UNC79: variants seen among roughly 807,000 people sequenced by gnomAD.
UNC79 encodes unc-79 subunit of NALCN channel complex, also known as protein unc-79 homolog.
Under a neutral mutation model 283.1 loss-of-function variants are expected in UNC79, and 37 were observed. The ratio of observed to expected loss-of-function variants is 0.13; its 90% CI spans 0.10 to 0.17. UNC79 has a LOEUF of 0.17. UNC79 is among the 10% of genes least tolerant of loss of function. The pLI is 1.00. For synonymous variants in UNC79, 1,107 were observed against 1,200.2 expected (o/e 0.92, Z 1.61); for missense variants, 2,272 against 3,211.1 (o/e 0.71, Z 7.07).
intron 5 of UNC79, among the ~76,000 whole-genome samples, chr14:93,495,490 G>A (rs1024008573): frequency 6.6e-6 from 1 of 152,078 alleles, no homozygotes; most frequent in Non-Finnish European, 1.5e-5. Context: ...ATTTGGGTGG[G>A]GACACAGCTT....
At chr14:93,706,534 C>T (rs117176149) in intron 48 of UNC79, among the ~76,000 whole-genome samples, 170 bp from the exon 52 acceptor site, 34 of 152,254 alleles carry the variant, frequency 2.2e-4, no homozygotes, top group African/African-American at 7.5e-4. Flanking sequence ...CTAGAAAACA[C>T]GGTGCGATCC....
At chr14:93,615,743 A>AAAAAGAAAAG (rs2066669911) in intron 27 of UNC79, among the ~76,000 whole-genome samples, 1 of 143,330 alleles carries the variant, frequency 7.0e-6, no homozygotes, top group African/African-American at 2.8e-5. Context: ...AAAAAAAAAA[A>AAAAAGAAAAG]AAGAAAAGAA....
At chr14:93,376,462 C>T (rs1956544) in intron 1 of UNC79, among the ~76,000 whole-genome samples, 107,488 of 152,078 alleles carry the variant, frequency 0.71, 38,446 homozygotes, top group Middle Eastern at 0.78. Flanking sequence ...AGGGGCAAAC[C>T]GTATATTTAT....
chr14:93,396,264 A>T (rs2054994585), intron 1 of UNC79, among the ~76,000 whole-genome samples: 4 of 151,882 alleles, frequency 2.6e-5, no homozygotes, highest in Admixed American at 2.6e-4. Flanking sequence ...ATCTCTTTAA[A>T]ATGTCTATTT....
chr14:93,424,680 T>C (rs148281012), intron 1 of UNC79, among the ~76,000 whole-genome samples: 141 of 150,990 alleles, frequency 9.3e-4, no homozygotes, highest in African/African-American at 3.3e-3. Flanking sequence ...CTCATAGAGA[T>C]AGAGAGTAGA....
intron 37 of UNC79, 96 bp from the exon 41 acceptor site, chr14:93,655,138 C>T: frequency 7.2e-7 from 1 of 1,396,174 alleles, no homozygotes; most frequent in Admixed American, 2.0e-5. Context: ...ACGTTTATAG[C>T]CTGAAGATGT....
rs547276996 is a variant in UNC79 at position 93,386,243 on chromosome 14, C to A, written c.-351+52720C>A. Among the ~76,000 whole-genome samples, 9 of 152,134 alleles carry A rather than the reference C, an allele frequency of 5.9e-5. No individual in the cohort carries two copies. In the East Asian group the frequency reaches 9.7e-4, roughly 16 times the overall value. ...ATTGAAATGATCATATTGTTTTTGTCCTTCATTCTGTTCATATGATGTATC... is the reference window on the plus strand; with the variant it reads ...ATTGAAATGATCATATTGTTTTTGTACTTCATTCTGTTCATATGATGTATC... On this transcript the variant is annotated intron_variant, in intron 1 of 49. Coordinates refer to the UNC79 transcript ENST00000256339.
At chr14:93,339,997 T>C (rs910396599) in intron 1 of UNC79, among the ~76,000 whole-genome samples, 1 of 152,166 alleles carries the variant, frequency 6.6e-6, no homozygotes, top group African/African-American at 2.4e-5. Context: ...GCTTTCGTGA[T>C]TGAATAAGCA....
At chr14:93,488,811 G>A (rs1595612986) in intron 5 of UNC79, among the ~76,000 whole-genome samples, 1 of 152,238 alleles carries the variant, frequency 6.6e-6, no homozygotes, top group East Asian at 1.9e-4. Flanking sequence ...GGAAGGAAAG[G>A]GAATTCTCAG....
intron 7 of UNC79, among the ~76,000 whole-genome samples, chr14:93,513,932 T>C (rs1033242007): frequency 4.6e-5 from 7 of 152,156 alleles, no homozygotes; most frequent in African/African-American, 1.7e-4. Flanking sequence ...ATTTGTGTTA[T>C]GTAGTAAAAG....
At chr14:93,575,354 T>C (rs1023932005) in intron 17 of UNC79, among the ~76,000 whole-genome samples, 156 bp downstream of exon 17, 3 of 152,242 alleles carry the variant, frequency 2.0e-5, no homozygotes, top group Non-Finnish European at 2.9e-5. Context: ...ATAGTCACAT[T>C]TGTTTGGTAT....
At chr14:93,588,740 C>CAAAAAAA (rs397745981) in intron 22 of UNC79, among the ~76,000 whole-genome samples, 7 of 17,782 alleles carry the variant, frequency 3.9e-4, no homozygotes, top group Non-Finnish European at 1.1e-3. Flanking sequence ...GACTCCGTCT[C>CAAAAAAA]AAAAAAAAAA....
At chr14:93,487,600 G>T in intron 4 of UNC79, 63 bp from the exon 5 acceptor site, 2 of 1,379,440 alleles carry the variant, frequency 1.4e-6, no homozygotes, top group Non-Finnish European at 2.0e-6. Context: ...CTCATGCTCT[G>T]TGCAAAGTAA....
Position 93,531,802 on chromosome 14 carries a change from A to T in UNC79, c.1094-748A>T, listed in dbSNP as rs892445955. Among the ~76,000 whole-genome samples the T allele has an allele frequency of 5.3e-5, 8 of 152,228 alleles. No homozygotes were observed. Among genetic ancestry groups the T allele is most frequent in the Admixed American group, 2.6e-4 (4 of 15,288 alleles). On this transcript the variant is annotated intron_variant, in intron 10 of 48. Transcript: ENST00000555664. This position sits in a 1 kb window ranked among gnomAD's most constrained non-coding sequence, Gnocchi z 4.2. ...TGGGGAATTTGGAGACTTGAACTCAAGGTCTGCCCCTACCATTGATAGCTT... is the reference window on the plus strand; with the variant it reads ...TGGGGAATTTGGAGACTTGAACTCATGGTCTGCCCCTACCATTGATAGCTT...
At chr14:93,564,919 C>T (rs1476160922) in intron 14 of UNC79, among the ~76,000 whole-genome samples, 2 of 152,164 alleles carry the variant, frequency 1.3e-5, no homozygotes, top group Non-Finnish European at 2.9e-5. Flanking sequence ...TGGATGTACA[C>T]GTGCAGGTCA....
At chr14:93,580,498 T>C in intron 19 of UNC79, 122 bp downstream of exon 19, 1 of 1,022,330 alleles carries the variant, frequency 9.8e-7, no homozygotes, top group Non-Finnish European at 1.4e-6. Flanking sequence ...CGTGAGACTG[T>C]GTTAAAAGAA....
rs117232626 is a variant in UNC79, at chr14:93,621,417, C to A, written c.4388-204C>A. Among the ~76,000 whole-genome samples, 100 of 152,324 alleles carry A rather than the reference C, an allele frequency of 6.6e-4. 1 individual carries two copies. Among genetic ancestry groups the A allele is most frequent in the Admixed American group, 1.9e-3 (29 of 15,304 alleles). ...ATTTTGGAAATCAGATCTTAAACTG[C>A]CATTTTGGTTTCTTTCATTCGTAAA... is the stretch of plus-strand genomic sequence containing the variant. On this transcript the variant is annotated intron_variant, in intron 29 of 48. Coordinates refer to ENST00000555664, the Ensembl canonical transcript of UNC79. This position sits in a 1 kb window ranked among gnomAD's most constrained non-coding sequence, Gnocchi z 4.8.
chr14:93,406,240 T>G (rs1478644138), intron 1 of UNC79, among the ~76,000 whole-genome samples: 1 of 151,558 alleles, frequency 6.6e-6, no homozygotes, highest in Non-Finnish European at 1.5e-5. Flanking sequence ...TAAGAAAAAA[T>G]AGTATATTAG....
intron 36 of UNC79, 43 bp downstream of exon 39, chr14:93,653,897 A>G: frequency 3.1e-6 from 5 of 1,614,116 alleles, no homozygotes; most frequent in Non-Finnish European, 4.2e-6. Flanking sequence ...AATTTGCCTC[A>G]TCCCAGACAC....
Sources: gnomAD v4.1 joint callset for allele counts (sites outside exome capture counted in the v4.1 genomes callset) on GRCh38, gnomAD v4.1.1 for gene constraint, Gnocchi (gnomAD v3.1) non-coding constraint, MANE v1.5 for transcripts, NCBI Gene and HGNC (gene_info 2026-07-23, HGNC 2026-07-21) for gene names.